KDM2B: variants seen among roughly 807,000 people sequenced by gnomAD.
KDM2B encodes lysine demethylase 2B.
Under a neutral mutation model 150.0 loss-of-function variants are expected in KDM2B, and 26 were observed. That is an observed-to-expected ratio of 0.17 (90% confidence interval 0.13 to 0.24). KDM2B has a LOEUF of 0.24. Among genes scored for constraint, KDM2B ranks in the 10% least tolerant of loss-of-function variants. KDM2B has a pLI of 1.00. For missense variants in KDM2B, 1,265 were observed against 1,816.9 expected (o/e 0.70, Z 5.52); for synonymous variants, 734 against 729.5 (o/e 1.01, Z -0.10).
chr12:121,530,764 TC>T (rs1324076573), intron 8 of KDM2B, among the ~76,000 whole-genome samples: 3 of 150,758 alleles, frequency 2.0e-5, no homozygotes, highest in Non-Finnish European at 2.9e-5. Flanking sequence ...TCTCAAGACC[TC>T]CCCCAGCTTG....
chr12:121,420,298 GGAT>G, the KDM2B span: 66 of 1,584,774 alleles, frequency 4.2e-5, no homozygotes, highest in East Asian at 6.7e-4. Flanking sequence ...ACGATGATGA[GGAT>G]GATGATGATG....
intron 11 of KDM2B, among the ~76,000 whole-genome samples, chr12:121,503,350 G>T (rs1381586772): frequency 2.0e-5 from 3 of 151,706 alleles, no homozygotes; most frequent in African/African-American, 7.3e-5. Flanking sequence ...GAGTACAGTG[G>T]TGCCATCACA....
chr12:121,512,513 C>T (rs1304204118), intron 10 of KDM2B, among the ~76,000 whole-genome samples: 2 of 152,030 alleles, frequency 1.3e-5, no homozygotes, highest in Non-Finnish European at 2.9e-5. Flanking sequence ...ATCTTTCTAT[C>T]CCCTGGTTAA....
chr12:121,513,662 G>A lies in KDM2B; in HGVS notation c.1048-260C>T, dbSNP rs150899396. On this transcript the variant is annotated intron_variant, in intron 9 of 22. Transcript: ENST00000377071. This position sits in a 1 kb window ranked among gnomAD's most constrained non-coding sequence, Gnocchi z 5.0. ...TGCACGCCCCAGAGGTTGGATGGGG[G>A]CCACTTGATGCTCCCGTGAGATGCA... Among the ~76,000 whole-genome samples, 71 of 152,260 alleles carry A rather than the reference G, an allele frequency of 4.7e-4. No individual in the cohort carries two copies. Among genetic ancestry groups the A allele is most frequent in the African/African-American group, 1.7e-3 (69 of 41,556 alleles).
At chr12:121,535,345 CA>C (rs1888004603) in intron 6 of KDM2B, among the ~76,000 whole-genome samples, 1 of 151,970 alleles carries the variant, frequency 6.6e-6, no homozygotes, top group Non-Finnish European at 1.5e-5. Context: ...CCCACGTATA[CA>C]AAATGTGCAG....
At position 121,579,871 on chromosome 12, in the gene KDM2B, CAATTT is replaced by C. The variant is rs1381851399; in HGVS notation, c.126+910_126+914del. The stretch of plus-strand genomic sequence containing the variant: ...TAAGCAGCTTGCTTCCTTTTGCATG[CAATTT>C]ATTATATTTTTTTCCCGGTCCTCTT... On this transcript the variant is annotated intron_variant, in intron 1 of 22. Coordinates refer to ENST00000377071, the MANE Select transcript of KDM2B (RefSeq NM_032590.5). 6.5e-6 allele frequency: 9 copies of C among 1,394,086 alleles called. No homozygotes were observed. In the Admixed American group the frequency reaches 1.3e-4, roughly 20 times the overall value. 86.4% of individuals were successfully genotyped at this position (1,394,086 alleles called of 1,614,324 possible).
intron 13 of KDM2B, among the ~76,000 whole-genome samples, chr12:121,445,905 A>G (rs1263796152): frequency 6.6e-6 from 1 of 152,230 alleles, no homozygotes; most frequent in African/African-American, 2.4e-5. Flanking sequence ...GGCACAGACC[A>G]TGGACTGCGG....
At chr12:121,417,125 T>C in the KDM2B span, among the ~76,000 whole-genome samples, 4 of 152,240 alleles carry the variant, frequency 2.6e-5, no homozygotes, top group African/African-American at 9.6e-5. The surrounding 1 kb of genome is among the most constrained non-coding windows in gnomAD (Gnocchi z 5.0). Flanking sequence ...GCTTTTTGTC[T>C]CCTGCTCTTT....
intron 10 of KDM2B, among the ~76,000 whole-genome samples, chr12:121,512,607 C>T (rs532859534): frequency 5.3e-5 from 8 of 152,124 alleles, no homozygotes; most frequent in Middle Eastern, 3.4e-3. Flanking sequence ...CAGACGCAGC[C>T]GAGAGGAATC....
At chr12:121,512,361 G>A (rs1840344948) in intron 10 of KDM2B, among the ~76,000 whole-genome samples, 1 of 152,008 alleles carries the variant, frequency 6.6e-6, no homozygotes, top group Non-Finnish European at 1.5e-5. Flanking sequence ...GCCCAGCCTG[G>A]AAACCCTGAA....
intron 6 of KDM2B, among the ~76,000 whole-genome samples, chr12:121,544,684 G>A (rs992069069): frequency 8.0e-5 from 12 of 150,628 alleles, no homozygotes; most frequent in Middle Eastern, 3.4e-3. Flanking sequence ...AGGCCAAGGC[G>A]GGCAGATCAC....
At chr12:121,413,362 A>C in the KDM2B span, among the ~76,000 whole-genome samples, 2 of 150,732 alleles carry the variant, frequency 1.3e-5, no homozygotes, top group Non-Finnish European at 1.5e-5. Context: ...ATGGCTGTAG[A>C]GTTTGAGGTA....
chr12:121,490,117 C>T lies in KDM2B; in HGVS notation c.1734+4462G>A, dbSNP rs187951319. On this transcript the variant is annotated intron_variant, in intron 12 of 22. Coordinates refer to ENST00000377071, the MANE Select transcript of KDM2B (RefSeq NM_032590.5). ...TGTGTCACTCCGGAGGGACCCCAGA[C>T]GGAGCAGGCCTCTGGGATGGAACGG... Among the ~76,000 whole-genome samples the T allele has an allele frequency of 3.9e-3, 594 of 152,236 alleles. 6 individuals are homozygous for T. Among genetic ancestry groups the T allele is most frequent in the Non-Finnish European group, 5.8e-3 (394 of 68,010 alleles).
At chr12:121,421,479 C>T in the KDM2B span, among the ~76,000 whole-genome samples, 1 of 150,848 alleles carries the variant, frequency 6.6e-6, no homozygotes, top group Non-Finnish European at 1.5e-5. Flanking sequence ...CTTGAGCCTG[C>T]AGGGAGCCGT....
intron 21 of KDM2B, chr12:121,440,466 G>A: frequency 2.6e-6 from 1 of 381,142 alleles, no homozygotes; most frequent in African/African-American, 2.0e-5. Context: ...CCCGATGGCA[G>A]TGGAGGCTTG....
chr12:121,489,612 G>T (rs753486622), intron 12 of KDM2B, among the ~76,000 whole-genome samples: 5 of 152,166 alleles, frequency 3.3e-5, no homozygotes, highest in Middle Eastern at 3.4e-3. Flanking sequence ...GCTAATTTTT[G>T]TATTTTTAGT....
chr12:121,453,380 G>T lies in KDM2B; in HGVS notation c.1735-36C>A. ...ACAGACACGACTGGTCAGATGGGGA[G>T]ACTGCAGGCACGGCCAGACCCCCGG... On this transcript the variant is annotated intron_variant, in intron 12 of 22. Coordinates refer to ENST00000377071, the MANE Select transcript of KDM2B (RefSeq NM_032590.5). The surrounding 1 kb of genome is among the most constrained non-coding windows in gnomAD (Gnocchi z 6.4). 1.3e-6 allele frequency: 2 copies of T among 1,502,018 alleles called. No individual in the cohort carries two copies. The highest frequency in any genetic ancestry group is 1.3e-5 in the South Asian group (1 of 79,860). The allele number at this position is 1,502,018 out of a possible 1,614,324, so 93.0% of individuals were successfully genotyped here. A position where few individuals can be genotyped will look rare whatever the true frequency, so the allele number is the denominator to read the frequency against.
intron 6 of KDM2B, among the ~76,000 whole-genome samples, chr12:121,541,511 A>AG (rs1370934900): frequency 6.6e-6 from 1 of 151,930 alleles, no homozygotes; most frequent in Non-Finnish European, 1.5e-5. Flanking sequence ...AGAAAAAAAA[A>AG]GAAAGCCTTG....
At chr12:121,448,654 C>A (rs1028069281) in intron 13 of KDM2B, among the ~76,000 whole-genome samples, 1 of 152,086 alleles carries the variant, frequency 6.6e-6, no homozygotes, top group African/African-American at 2.4e-5. Context: ...GGGATATACA[C>A]GCCATTGGTA....
Sources: gnomAD v4.1 joint callset for allele counts (sites outside exome capture counted in the v4.1 genomes callset) on GRCh38, gnomAD v4.1.1 for gene constraint, Gnocchi (gnomAD v3.1) non-coding constraint, MANE v1.5 for transcripts, NCBI Gene and HGNC (gene_info 2026-07-23, HGNC 2026-07-21) for gene names.